Variants in SLC41A2 observed in about 807,000 individuals in gnomAD.
SLC41A2 encodes the protein solute carrier family 41 member 2.
A neutral mutation model predicts 58.3 loss-of-function variants in SLC41A2; 32 were observed. The observed-to-expected ratio is 0.55, with a 90% confidence interval of 0.41 to 0.74. SLC41A2 has a LOEUF of 0.74. SLC41A2 is among the 30% of genes least tolerant of loss of function. SLC41A2 has a pLI of 0.00. For missense variants in SLC41A2, 514 were observed against 680.6 expected (o/e 0.76, Z 2.72); for synonymous variants, 190 against 235.0 (o/e 0.81, Z 1.75).
intron 10 of SLC41A2, among the ~76,000 whole-genome samples, chr12:104,826,596 C>G (rs1184904989): frequency 6.6e-6 from 1 of 152,184 alleles, no homozygotes; most frequent in Non-Finnish European, 1.5e-5. Context: ...CCCTTACCCC[C>G]TCCTAGAAAT....
In SLC41A2 at chr12:104,894,692, T is replaced by A. The variant is rs150879691; in HGVS notation, c.735+582A>T. Among the ~76,000 whole-genome samples the A allele has an allele frequency of 5.1e-3, 780 of 152,230 alleles. 8 individuals carry two copies. The highest frequency in any genetic ancestry group is 0.018 in the African/African-American group (745 of 41,530). The stretch of plus-strand genomic sequence containing the variant: ...CTAGCTAGAGAATTACTAGGGGTAG[T>A]CGCAGTCTTCAGTCTTAGGGGTAGG... On this transcript the variant is annotated intron_variant, in intron 4 of 10. Coordinates refer to ENST00000258538, the MANE Select transcript of SLC41A2 (RefSeq NM_001352171.3).
At chr12:104,820,358 G>T (rs1374994914) in intron 10 of SLC41A2, among the ~76,000 whole-genome samples, 1 of 152,192 alleles carries the variant, frequency 6.6e-6, no homozygotes, top group East Asian at 1.9e-4. Flanking sequence ...AGCTACTCAG[G>T]AGGCTGAGGC....
At chr12:104,843,472 A>G (rs2042489077) in intron 10 of SLC41A2, among the ~76,000 whole-genome samples, 1 of 152,058 alleles carries the variant, frequency 6.6e-6, no homozygotes, top group Non-Finnish European at 1.5e-5. Flanking sequence ...CCTTTTCTAT[A>G]CCAGCCCTAA....
At chr12:104,858,511 GA>G (rs1484179927) in intron 8 of SLC41A2, among the ~76,000 whole-genome samples, 1 of 152,148 alleles carries the variant, frequency 6.6e-6, no homozygotes, top group African/African-American at 2.4e-5. Context: ...TGATAATGAT[GA>G]AGATAAACAA....
At chr12:104,857,165 A>G (rs2043048614) in intron 8 of SLC41A2, among the ~76,000 whole-genome samples, 1 of 152,220 alleles carries the variant, frequency 6.6e-6, no homozygotes, top group African/African-American at 2.4e-5. Context: ...TTCTTATCCT[A>G]TATGTAAAGT....
Position 104,853,911 on chromosome 12 carries a change from A to ATTATTATTATTATTATTT in SLC41A2, c.1255+7379_1255+7380insAAATAATAATAATAATAA. The stretch of plus-strand genomic sequence containing the variant: ...GGGTGCATGTCACCATGCCTGGCTG[A>ATTATTATTATTATTATTT]TTTTTTTTTTTTTTTTTTTTTTTTT... On this transcript the variant is annotated intron_variant, in intron 8 of 10. Transcript: ENST00000258538. Among the ~76,000 whole-genome samples, 547 of 59,348 alleles carry ATTATTATTATTATTATTT rather than the reference A, an allele frequency of 9.2e-3. 24 individuals are homozygous for ATTATTATTATTATTATTT. The highest frequency in any genetic ancestry group is 0.023 in the Middle Eastern group (2 of 86). 38.9% of individuals were successfully genotyped at this position (59,348 alleles called of 152,430 possible).
intron 8 of SLC41A2, among the ~76,000 whole-genome samples, chr12:104,849,205 T>A (rs1404921158): frequency 1.3e-5 from 2 of 152,154 alleles, no homozygotes; most frequent in Non-Finnish European, 2.9e-5. Context: ...GACTACAGTG[T>A]AATTAAAACC....
chr12:104,953,824 A>C (rs2048046044), intron 1 of SLC41A2, among the ~76,000 whole-genome samples: 1 of 152,222 alleles, frequency 6.6e-6, no homozygotes, highest in South Asian at 2.1e-4. Context: ...TAACTAGCAC[A>C]CTTGAAAGCT....
intron 1 of SLC41A2, among the ~76,000 whole-genome samples, chr12:104,953,878 G>C (rs1392528993): frequency 3.3e-5 from 5 of 152,092 alleles, no homozygotes; most frequent in Non-Finnish European, 5.9e-5. Context: ...CTGGGTCCTA[G>C]GAGAACAGTT....
At chr12:104,807,381 T>A in intron 10 of SLC41A2, among the ~76,000 whole-genome samples, 1 of 152,216 alleles carries the variant, frequency 6.6e-6, no homozygotes, top group East Asian at 1.9e-4. Flanking sequence ...GTTGTAGATA[T>A]GTGGCATTAT....
chr12:104,916,520 AT>A (rs1306058273), intron 2 of SLC41A2, among the ~76,000 whole-genome samples: 3 of 152,178 alleles, frequency 2.0e-5, no homozygotes, highest in African/African-American at 7.2e-5. Flanking sequence ...CGCCAAGTCA[AT>A]CCTAAGCCAA....
chr12:104,817,885 C>T (rs1450885722), intron 10 of SLC41A2, among the ~76,000 whole-genome samples: 3 of 151,832 alleles, frequency 2.0e-5, no homozygotes, highest in Admixed American at 6.6e-5. Flanking sequence ...CCATTATAAT[C>T]ATAGGATGCA....
intron 3 of SLC41A2, among the ~76,000 whole-genome samples, chr12:104,904,193 T>C (rs1026103772): frequency 6.6e-6 from 1 of 152,206 alleles, no homozygotes; most frequent in African/African-American, 2.4e-5. Context: ...TTTGAAATAT[T>C]TTCTTTGAGA....
At chr12:104,851,625 C>T (rs1267823734) in intron 8 of SLC41A2, among the ~76,000 whole-genome samples, 1 of 152,058 alleles carries the variant, frequency 6.6e-6, no homozygotes, top group African/African-American at 2.4e-5. Flanking sequence ...TGGGCTCAAG[C>T]AATCCTCCTG....
chr12:104,833,803 G>A (rs2042120245), intron 10 of SLC41A2, among the ~76,000 whole-genome samples: 1 of 151,342 alleles, frequency 6.6e-6, no homozygotes, highest in South Asian at 2.1e-4. Context: ...TTTTTGTGGG[G>A]GGTGAATATT....
At chr12:104,868,039 T>C (rs1260409116) in intron 6 of SLC41A2, among the ~76,000 whole-genome samples, 4 of 151,898 alleles carry the variant, frequency 2.6e-5, no homozygotes, top group Non-Finnish European at 5.9e-5. Context: ...TTAAAATAAT[T>C]ATACTAATAA....
At chr12:104,915,398 G>A (rs1771404965) in intron 2 of SLC41A2, among the ~76,000 whole-genome samples, 1 of 152,190 alleles carries the variant, frequency 6.6e-6, no homozygotes, top group African/African-American at 2.4e-5. Context: ...TCCTACCCAT[G>A]AGCATGGAAT....
chr12:104,877,963 C>T (rs183112350), intron 6 of SLC41A2, among the ~76,000 whole-genome samples: 2 of 151,918 alleles, frequency 1.3e-5, no homozygotes, highest in Non-Finnish European at 2.9e-5. Flanking sequence ...GAGCCAAGAT[C>T]GTACCACTGC....
At chr12:104,823,832 A>T (rs1017333202) in intron 10 of SLC41A2, among the ~76,000 whole-genome samples, 1 of 152,188 alleles carries the variant, frequency 6.6e-6, no homozygotes, top group African/African-American at 2.4e-5. Context: ...AAATTTAAAG[A>T]TCTAATATAC....
Sources: gnomAD v4.1 joint callset for allele counts (sites outside exome capture counted in the v4.1 genomes callset) on GRCh38, gnomAD v4.1.1 for gene constraint, MANE v1.5 for transcripts, NCBI Gene and HGNC (gene_info 2026-07-23, HGNC 2026-07-21) for gene names.